The following ARK2C variants were observed in gnomAD, a reference collection of about 807,000 sequenced individuals.
The protein encoded by ARK2C is E3 ubiquitin-protein ligase ARK2C.
chr18:46,391,310 C>T, the ARK2C span, among the ~76,000 whole-genome samples: 1 of 152,180 alleles, frequency 6.6e-6, no homozygotes, highest in Non-Finnish European at 1.5e-5. Context: ...AGCACCTGAA[C>T]CACTGTGTCC....
At chr18:46,416,998 A>C in the ARK2C span, among the ~76,000 whole-genome samples, 2 of 152,142 alleles carry the variant, frequency 1.3e-5, no homozygotes, top group Non-Finnish European at 2.9e-5. Context: ...GGAGGGGAGA[A>C]ATTGAGGCCA....
chr18:46,451,382 A>C, the ARK2C span, among the ~76,000 whole-genome samples: 2 of 151,096 alleles, frequency 1.3e-5, no homozygotes, highest in Non-Finnish European at 3.0e-5. Flanking sequence ...TGAGTTTAAA[A>C]TTTTTTTTTT....
chr18:46,382,399 G>A, the ARK2C span, among the ~76,000 whole-genome samples: 4 of 152,204 alleles, frequency 2.6e-5, no homozygotes, highest in Non-Finnish European at 5.9e-5. Flanking sequence ...CTGGGTCTGA[G>A]TCTGCAAACC....
chr18:46,426,689 T>G, the ARK2C span, among the ~76,000 whole-genome samples: 1 of 152,348 alleles, frequency 6.6e-6, no homozygotes, highest in South Asian at 2.1e-4. Flanking sequence ...TGTCTTACCA[T>G]TGATGTGTTT....
the ARK2C span, among the ~76,000 whole-genome samples, chr18:46,425,283 G>A: frequency 1.3e-5 from 2 of 152,192 alleles, no homozygotes; most frequent in African/African-American, 4.8e-5. Flanking sequence ...CACATCCCTG[G>A]AGCAGGCAGA....
the ARK2C span, among the ~76,000 whole-genome samples, chr18:46,397,257 TG>T: frequency 5.3e-5 from 8 of 151,932 alleles, no homozygotes; most frequent in Non-Finnish European, 1.5e-5. Flanking sequence ...GGACTGGGGG[TG>T]GGAGGGGAAG....
the ARK2C span, chr18:46,433,554 G>A: frequency 4.6e-6 from 7 of 1,505,736 alleles, no homozygotes; most frequent in Admixed American, 7.4e-5. Context: ...GGTCGGGTGA[G>A]GGGGCAGGGC....
At chr18:46,380,029 C>A in the ARK2C span, among the ~76,000 whole-genome samples, 1 of 152,232 alleles carries the variant, frequency 6.6e-6, no homozygotes, top group Admixed American at 6.5e-5. Flanking sequence ...TCCCTCCCAA[C>A]TATTAGCCTC....
the ARK2C span, chr18:46,447,665 T>G: frequency 8.7e-5 from 141 of 1,613,906 alleles, no homozygotes; most frequent in Non-Finnish European, 2.1e-5. Context: ...TGCACCACTT[T>G]CCCAGAAACT....
the ARK2C span, among the ~76,000 whole-genome samples, chr18:46,364,693 G>A: frequency 7.2e-5 from 11 of 152,296 alleles, no homozygotes; most frequent in South Asian, 1.5e-3. Flanking sequence ...ATGGCTTCTT[G>A]GGACATTCCT....
chr18:46,338,596 A>G, the ARK2C span, among the ~76,000 whole-genome samples: 2 of 152,178 alleles, frequency 1.3e-5, no homozygotes, highest in Admixed American at 6.5e-5. Flanking sequence ...TTGAGTTGAA[A>G]AAAGAACCCT....
chr18:46,400,006 A>C, the ARK2C span, among the ~76,000 whole-genome samples: 1 of 152,184 alleles, frequency 6.6e-6, no homozygotes, highest in Non-Finnish European at 1.5e-5. Flanking sequence ...GCCACACCCC[A>C]GGTGTTCTGA....
the ARK2C span, among the ~76,000 whole-genome samples, chr18:46,369,564 A>G: frequency 6.6e-6 from 1 of 152,142 alleles, no homozygotes; most frequent in African/African-American, 2.4e-5. Context: ...TTAGGTTTGC[A>G]GGGCGGGATT....
chr18:46,404,057 A>G, the ARK2C span, among the ~76,000 whole-genome samples: 1 of 152,122 alleles, frequency 6.6e-6, no homozygotes, highest in Non-Finnish European at 1.5e-5. Context: ...TTCAAAATCC[A>G]TTACAGATTT....
chr18:46,342,885 A>T, the ARK2C span, among the ~76,000 whole-genome samples: 1 of 152,102 alleles, frequency 6.6e-6, no homozygotes, highest in Admixed American at 6.5e-5. Context: ...TTGTTCATCT[A>T]TTTGTTGTTT....
chr18:46,452,470 G>A, the ARK2C span, among the ~76,000 whole-genome samples: 5 of 151,890 alleles, frequency 3.3e-5, no homozygotes, highest in African/African-American at 1.2e-4. Flanking sequence ...AGTAGAGATG[G>A]GGTTTCACCA....
At chr18:46,425,010 T>C in the ARK2C span, among the ~76,000 whole-genome samples, 1 of 152,178 alleles carries the variant, frequency 6.6e-6, no homozygotes, top group Admixed American at 6.5e-5. Context: ...GGCTGTCCTG[T>C]CTTCTTTCTC....
At chr18:46,437,245 T>C in the ARK2C span, among the ~76,000 whole-genome samples, 1 of 152,122 alleles carries the variant, frequency 6.6e-6, no homozygotes, top group African/African-American at 2.4e-5. Flanking sequence ...AGGATGCTGA[T>C]TCTCCTCCCT....
At chr18:46,402,118 T>C in the ARK2C span, among the ~76,000 whole-genome samples, 7 of 152,364 alleles carry the variant, frequency 4.6e-5, no homozygotes, top group South Asian at 1.4e-3. Flanking sequence ...GTATAGCTGA[T>C]GCTAAATAAA....
Sources: allele counts gnomAD v4.1 joint callset (sites outside exome capture counted in the v4.1 genomes callset), GRCh38; gene constraint gnomAD v4.1.1; transcripts MANE v1.5; gene names NCBI Gene and HGNC (gene_info 2026-07-23, HGNC 2026-07-21).